Variants in TMEM17 observed in about 807,000 individuals in gnomAD.
The protein encoded by TMEM17 is transmembrane protein 17.
A neutral mutation model predicts 19.1 loss-of-function variants in TMEM17; 15 were observed. That is an observed-to-expected ratio of 0.78 (90% confidence interval 0.52 to 1.21). The LOEUF is 1.21. TMEM17 is among the 50% of genes most tolerant of loss of function. The probability of loss-of-function intolerance (pLI) is 0.00; values close to 1 mark genes in which losing one functional copy is unlikely to be tolerated. For synonymous variants in TMEM17, 103 were observed against 86.9 expected (o/e 1.19, Z -1.03); for missense variants, 245 against 242.3 (o/e 1.01, Z -0.07).
chr2:62,466,146 T>C, the TMEM17 span, among the ~76,000 whole-genome samples: 50 of 152,290 alleles, frequency 3.3e-4, no homozygotes, highest in African/African-American at 1.1e-3. Context: ...GGAAACCTTC[T>C]GAAAAGTTTT....
the TMEM17 span, among the ~76,000 whole-genome samples, chr2:62,493,852 C>G: frequency 6.6e-6 from 1 of 152,174 alleles, no homozygotes; most frequent in Non-Finnish European, 1.5e-5. Context: ...ACTTCCGACG[C>G]CAGTCTTTTC....
chr2:62,495,847 A>T (rs958574289), downstream of TMEM17, among the ~76,000 whole-genome samples: 3 of 152,166 alleles, frequency 2.0e-5, no homozygotes, highest in Non-Finnish European at 4.4e-5. Flanking sequence ...TTCATGCTCC[A>T]TGCTTCTGAA....
the TMEM17 span, among the ~76,000 whole-genome samples, chr2:62,480,595 G>A: frequency 6.6e-6 from 1 of 152,142 alleles, no homozygotes; most frequent in Non-Finnish European, 1.5e-5. Flanking sequence ...AGGGTGAGAT[G>A]TAGGGGTCTA....
the TMEM17 span, among the ~76,000 whole-genome samples, chr2:62,493,345 A>T: frequency 5.3e-5 from 8 of 152,170 alleles, no homozygotes; most frequent in Non-Finnish European, 8.8e-5. Context: ...GAGAGTCTTA[A>T]CAAATTTTAA....
chr2:62,462,743 A>G, the TMEM17 span, among the ~76,000 whole-genome samples: 1 of 152,364 alleles, frequency 6.6e-6, no homozygotes, highest in East Asian at 1.9e-4. Flanking sequence ...ATTATAATCA[A>G]TAAAGCCCTA....
the TMEM17 span, among the ~76,000 whole-genome samples, chr2:62,483,218 A>C: frequency 0.061 from 9,242 of 152,264 alleles, 410 homozygotes; most frequent in South Asian, 0.098. Flanking sequence ...ATCTGGGCTT[A>C]CAGCAGGCTC....
the TMEM17 span, among the ~76,000 whole-genome samples, chr2:62,486,685 A>G: frequency 6.6e-6 from 1 of 152,204 alleles, no homozygotes; most frequent in Non-Finnish European, 1.5e-5. Context: ...GACAAAGTGG[A>G]TGCTGTTCTA....
At chr2:62,459,943 C>T in the TMEM17 span, among the ~76,000 whole-genome samples, 1 of 152,180 alleles carries the variant, frequency 6.6e-6, no homozygotes, top group South Asian at 2.1e-4. Flanking sequence ...CACTCATAAT[C>T]ATTTTTGAAT....
At chr2:62,455,971 C>A in the TMEM17 span, among the ~76,000 whole-genome samples, 1 of 152,052 alleles carries the variant, frequency 6.6e-6, no homozygotes, top group African/African-American at 2.4e-5. Flanking sequence ...TGTGCATTTT[C>A]TTTTCATGTG....
downstream of TMEM17, among the ~76,000 whole-genome samples, chr2:62,497,569 G>C (rs1385770709): frequency 6.6e-6 from 1 of 152,070 alleles, no homozygotes. Flanking sequence ...CTTTGGGAAG[G>C]CTTTCCAGAT....
the TMEM17 span, among the ~76,000 whole-genome samples, chr2:62,467,921 G>A: frequency 6.8e-6 from 1 of 148,102 alleles, no homozygotes; most frequent in Non-Finnish European, 1.5e-5. Context: ...AAACAGATGC[G>A]AATTGTGAAA....
At chr2:62,462,921 T>G in the TMEM17 span, among the ~76,000 whole-genome samples, 1 of 151,456 alleles carries the variant, frequency 6.6e-6, no homozygotes. Context: ...CCTGCCCACA[T>G]TTTTCCTCTG....
chr2:62,492,461 T>C, the TMEM17 span, among the ~76,000 whole-genome samples: 3 of 152,238 alleles, frequency 2.0e-5, no homozygotes, highest in African/African-American at 7.2e-5. Flanking sequence ...AATTTGAGCA[T>C]TTATCTTAAC....
the TMEM17 span, among the ~76,000 whole-genome samples, chr2:62,475,004 A>G: frequency 6.6e-6 from 1 of 152,182 alleles, no homozygotes; most frequent in Non-Finnish European, 1.5e-5. Context: ...ACGCTTTTTA[A>G]AAAGATCAGC....
Position 62,501,367 on chromosome 2 carries a change from A to T in TMEM17, c.439T>A (p.Phe147Ile), listed in dbSNP as rs1217041559. 2.8e-5 allele frequency: 46 copies of T among 1,614,242 alleles called. No individual in the cohort carries two copies. Among genetic ancestry groups the T allele is most frequent in the Non-Finnish European group, 3.9e-5 (46 of 1,180,038 alleles). ...ACTTGGAAAGCAAGGAAGAGAGTGA[A>T]GATGATATGTATCGCTTTTTCCAAG... The part of the protein sequence containing the change: ...LPLEKAIHII[F>I]TLFLAFQVVA... Residue 147 changes from phenylalanine (F) to isoleucine (I), a missense_variant, in exon 4 of 4, where the codon TTC (phenylalanine) becomes ATC (isoleucine). Transcript: ENST00000335390.
downstream of TMEM17, among the ~76,000 whole-genome samples, chr2:62,498,038 T>TA (rs1449579803): frequency 6.6e-6 from 1 of 152,252 alleles, no homozygotes; most frequent in African/African-American, 2.4e-5. Flanking sequence ...ACTCCTTACA[T>TA]ATACTAGTCA....
At chr2:62,474,483 C>T in the TMEM17 span, among the ~76,000 whole-genome samples, 3 of 152,168 alleles carry the variant, frequency 2.0e-5, no homozygotes, top group East Asian at 1.9e-4. Flanking sequence ...CATGAAAGCA[C>T]GGTAACGTTC....
chr2:62,474,949 T>G, the TMEM17 span, among the ~76,000 whole-genome samples: 1 of 152,194 alleles, frequency 6.6e-6, no homozygotes, highest in Non-Finnish European at 1.5e-5. Context: ...CAATCTACCC[T>G]TGATGATAGT....
downstream of TMEM17, among the ~76,000 whole-genome samples, chr2:62,497,348 T>C (rs1679802433): frequency 6.6e-6 from 1 of 152,208 alleles, no homozygotes; most frequent in Non-Finnish European, 1.5e-5. Context: ...TTCTGAAAAA[T>C]TAAAGACAGA....
Sources: gnomAD v4.1 joint callset for allele counts (sites outside exome capture counted in the v4.1 genomes callset) on GRCh38, gnomAD v4.1.1 for gene constraint, MANE v1.5 for transcripts, NCBI Gene and HGNC (gene_info 2026-07-23, HGNC 2026-07-21) for gene names.